Variants in DLGAP4 observed in about 807,000 individuals in gnomAD.
DLGAP4 encodes the protein disks large-associated protein 4.
DLGAP4 carries 18 observed loss-of-function variants against 86.9 expected under a neutral mutation model. The observed-to-expected ratio is 0.21, with a 90% confidence interval of 0.14 to 0.31. The LOEUF (loss-of-function observed/expected upper bound fraction) is 0.31, where lower values mean the gene tolerates loss of function less well. Among genes scored for constraint, DLGAP4 ranks in the 10% least tolerant of loss-of-function variants. The pLI, the probability that DLGAP4 is intolerant of heterozygous loss-of-function variation, is 1.00. For synonymous variants in DLGAP4, 548 were observed against 574.3 expected (o/e 0.95, Z 0.65); for missense variants, 1,085 against 1,362.6 (o/e 0.80, Z 3.21).
At chr20:36,499,836 G>A (rs2036059977) in intron 9 of DLGAP4, among the ~76,000 whole-genome samples, 160 bp downstream of exon 9, 1 of 152,176 alleles carries the variant, frequency 6.6e-6, no homozygotes, top group Non-Finnish European at 1.5e-5. Context: ...GGCTGGGCAG[G>A]GGCGGGCGGG....
intron 2 of DLGAP4, among the ~76,000 whole-genome samples, chr20:36,381,188 C>T (rs1413572811): frequency 6.6e-6 from 1 of 152,192 alleles, no homozygotes; most frequent in Admixed American, 6.5e-5. Context: ...AGCAAGCAAG[C>T]AAGCATATAT....
chr20:36,399,227 A>G (rs569354535), intron 2 of DLGAP4, among the ~76,000 whole-genome samples: 1 of 152,160 alleles, frequency 6.6e-6, no homozygotes, highest in African/African-American at 2.4e-5. Context: ...AACCAAGAAA[A>G]CAAAAACAAA....
At chr20:36,379,462 T>C (rs2031291904) in intron 2 of DLGAP4, among the ~76,000 whole-genome samples, 1 of 152,122 alleles carries the variant, frequency 6.6e-6, no homozygotes, top group Non-Finnish European at 1.5e-5. Context: ...TCTCACAGGG[T>C]CAGGCTCTGA....
Position 36,500,381 on chromosome 20 carries a change from A to C in DLGAP4, c.2282A>C (p.Asn761Thr). 6.2e-7 allele frequency: 1 copy of C among 1,607,842 alleles called. No individual in the cohort carries two copies. The highest frequency in any genetic ancestry group is 1.3e-5 in the African/African-American group (1 of 74,840). The change falls in exon 10 of 13, where the codon AAC (asparagine) becomes ACC (threonine). Residue 761 changes from asparagine (N) to threonine (T), a missense_variant. Asn to Thr is a moderately conservative substitution (Grantham distance 65, BLOSUM62 0). Coordinates refer to ENST00000339266, the MANE Select transcript of DLGAP4 (RefSeq NM_001365621.2). The surrounding 1 kb of genome is among the most constrained non-coding windows in gnomAD (Gnocchi z 4.6). ...CCCAAGATTGCCCAGATCAAGCGCAACCTCTCCTATGGAGACAACAGCGAC... is the reference window on the plus strand; with the variant it reads ...CCCAAGATTGCCCAGATCAAGCGCACCCTCTCCTATGGAGACAACAGCGAC... ...QAPKIAQIKR[N>T]LSYGDNSDPA...
Position 36,436,393 on chromosome 20 carries a change from G to A in DLGAP4, c.1241+43G>A, listed in dbSNP as rs563143711. ...CCCTTACGGTCCCGCCCAGAGGCAA[G>A]CCCCGCCCACTACGAGTCTTGCTCC... is the stretch of plus-strand genomic sequence containing the variant. On this transcript the variant is annotated intron_variant, in intron 4 of 12. Transcript: ENST00000339266. 1.8e-5 allele frequency: 27 copies of A among 1,532,090 alleles called. No individual in the cohort carries two copies. The South Asian group carries it at 2.9e-4, about 16-fold the overall frequency. 94.9% of individuals were successfully genotyped at this position (1,532,090 alleles called of 1,614,324 possible).
chr20:36,485,979 CTG>C (rs1237639805), intron 7 of DLGAP4, among the ~76,000 whole-genome samples: 63 of 152,324 alleles, frequency 4.1e-4, no homozygotes, highest in South Asian at 2.1e-4. Flanking sequence ...TCCCACCAGA[CTG>C]TGCTCCTGTG....
chr20:36,380,321 G>GA (rs1276788918), intron 2 of DLGAP4, among the ~76,000 whole-genome samples: 3 of 151,566 alleles, frequency 2.0e-5, no homozygotes, highest in Admixed American at 2.0e-4. Context: ...GAAATGGGAG[G>GA]ATCACTTGAG....
At chr20:36,388,493 A>G (rs1240174237) in intron 2 of DLGAP4, among the ~76,000 whole-genome samples, 2 of 151,876 alleles carry the variant, frequency 1.3e-5, no homozygotes, top group East Asian at 3.9e-4. Flanking sequence ...CCTCCACCTC[A>G]ACTCTTTTCT....
intron 2 of DLGAP4, among the ~76,000 whole-genome samples, chr20:36,368,191 A>G (rs892766832): frequency 1.4e-4 from 21 of 152,214 alleles, no homozygotes; most frequent in African/African-American, 5.1e-4. Flanking sequence ...CCCTCCACCC[A>G]GACACCAGCA....
At chr20:36,525,194 G>A (rs1182505682) in intron 11 of DLGAP4, among the ~76,000 whole-genome samples, 2 of 119,770 alleles carry the variant, frequency 1.7e-5, no homozygotes, top group Non-Finnish European at 3.3e-5. Context: ...TCCAGCCTGG[G>A]TGACAGAGCG....
intron 6 of DLGAP4, 83 bp downstream of exon 6, chr20:36,442,860 A>T: frequency 1.3e-6 from 2 of 1,573,602 alleles, no homozygotes; most frequent in Non-Finnish European, 1.7e-6. Flanking sequence ...TGGTCCCAGC[A>T]CCCGGCCCAG....
intron 8 of DLGAP4, chr20:36,499,163 G>A: frequency 1.4e-6 from 2 of 1,379,730 alleles, no homozygotes; most frequent in East Asian, 4.8e-5. Context: ...CCAGATAACG[G>A]CTGTGGCTTT....
At chr20:36,444,649 A>T (rs576477068) in intron 6 of DLGAP4, among the ~76,000 whole-genome samples, 6 of 151,536 alleles carry the variant, frequency 4.0e-5, no homozygotes, top group African/African-American at 9.7e-5. Context: ...ATCAAAAAAA[A>T]TTTTTTTTTG....
rs539294329 is a variant in DLGAP4, at chr20:36,343,240, A to G, written c.-303-23805A>G. 3.3e-5 allele frequency among the ~76,000 whole-genome samples: 5 copies of G among 152,322 alleles called. No individual in the cohort carries two copies. In the South Asian group the frequency reaches 1.0e-3, roughly 32 times the overall value. On this transcript the variant is annotated intron_variant, in intron 1 of 12. Transcript: ENST00000339266. ...AGGGAGTCTGAGGAGACGGCTGCAG[A>G]CATCGTGGCAACGAACAGCTGTGGC...
chr20:36,519,438 G>A (rs934834389), intron 10 of DLGAP4, among the ~76,000 whole-genome samples: 14 of 152,114 alleles, frequency 9.2e-5, no homozygotes, highest in East Asian at 1.9e-4. Context: ...GTGTGCGTGC[G>A]TGTGCGTGCG....
intron 7 of DLGAP4, among the ~76,000 whole-genome samples, chr20:36,451,839 C>T (rs2033744871): frequency 6.6e-6 from 1 of 150,584 alleles, no homozygotes; most frequent in African/African-American, 2.4e-5. Flanking sequence ...CAGTTCATCT[C>T]AACCTCCGCC....
At chr20:36,402,458 C>A (rs1031928561) in intron 2 of DLGAP4, among the ~76,000 whole-genome samples, 1 of 152,174 alleles carries the variant, frequency 6.6e-6, no homozygotes, top group Non-Finnish European at 1.5e-5. Context: ...CTATCATCAT[C>A]ATTACAGTAA....
chr20:36,508,948 C>T (rs974894750), intron 10 of DLGAP4: 4 of 152,190 alleles, frequency 2.6e-5, no homozygotes, highest in Non-Finnish European at 5.9e-5. Flanking sequence ...CTTACTGATA[C>T]TTGATCTTGT....
At chr20:36,515,246 T>C (rs985597871) in intron 10 of DLGAP4, among the ~76,000 whole-genome samples, 4 of 152,256 alleles carry the variant, frequency 2.6e-5, no homozygotes, top group African/African-American at 9.6e-5. Context: ...AAGTTTAGAA[T>C]TGTAATATTC....
Sources: gnomAD v4.1 joint callset for allele counts (sites outside exome capture counted in the v4.1 genomes callset) on GRCh38, gnomAD v4.1.1 for gene constraint, Gnocchi (gnomAD v3.1) non-coding constraint, MANE v1.5 for transcripts, NCBI Gene and HGNC (gene_info 2026-07-23, HGNC 2026-07-21) for gene names.